CD109: variants seen among roughly 807,000 people sequenced by gnomAD.
The protein encoded by CD109 is CD109 molecule.
A neutral mutation model predicts 165.8 loss-of-function variants in CD109; 149 were observed. That is an observed-to-expected ratio of 0.90 (90% CI 0.79 to 1.03). CD109 has a LOEUF of 1.03. CD109 is among the 50% of genes least tolerant of loss of function. The pLI, the probability that CD109 is intolerant of heterozygous loss-of-function variation, is 0.00. For synonymous variants in CD109, 585 were observed against 592.1 expected (o/e 0.99, Z 0.18); for missense variants, 1,712 against 1,677.8 (o/e 1.02, Z -0.36).
At chr6:73,809,955 A>T in intron 26 of CD109, 29 bp from the exon 27 acceptor site, 1 of 1,551,906 alleles carries the variant, frequency 6.4e-7, no homozygotes, top group Non-Finnish European at 8.7e-7. Context: ...TGGATAATTG[A>T]TCAGAATGTT....
At chr6:73,719,249 A>G (rs992597245) in intron 2 of CD109, among the ~76,000 whole-genome samples, 7 of 152,166 alleles carry the variant, frequency 4.6e-5, no homozygotes, top group African/African-American at 7.2e-5. Context: ...AATCTTGCTC[A>G]TTTCTGAAGT....
rs922043395 is a variant in CD109 at position 73,826,445 on chromosome 6, G to C, written c.*2812G>C. 1 of 152,104 alleles carries C rather than the reference G, an allele frequency of 6.6e-6. No individual in the cohort carries two copies. The highest frequency in any genetic ancestry group is 2.4e-5 in the African/African-American group (1 of 41,392). 9.4% of individuals were successfully genotyped at this position (152,104 alleles called of 1,614,324 possible). On this transcript the variant is annotated 3_prime_UTR_variant, in exon 33 of 33. Transcript: ENST00000287097. Reference sequence around the variant, plus strand: ...GCATATCTTACCTCTCTTTCTGACTGGCCGATGCTTCCAGAGACTGAATGT... The same window carrying C: ...GCATATCTTACCTCTCTTTCTGACTCGCCGATGCTTCCAGAGACTGAATGT...
intron 23 of CD109, among the ~76,000 whole-genome samples, chr6:73,798,678 C>T (rs534413603): frequency 1.3e-5 from 2 of 152,266 alleles, no homozygotes; most frequent in South Asian, 2.1e-4. Context: ...TCTGTGGCCT[C>T]TTCTCTGGGC....
At chr6:73,768,000 G>T in intron 13 of CD109, 55 bp from the exon 14 acceptor site, 1 of 1,386,736 alleles carries the variant, frequency 7.2e-7, no homozygotes, top group Non-Finnish European at 1.0e-6. Context: ...TGTAGCTTCA[G>T]ATGAGATCCT....
At chr6:73,771,895 T>C (rs569109501) in intron 15 of CD109, among the ~76,000 whole-genome samples, 1 of 152,204 alleles carries the variant, frequency 6.6e-6, no homozygotes, top group African/African-American at 2.4e-5. Context: ...TACTTGAAAA[T>C]TGCTAAAAGA....
At chr6:73,785,341 T>C (rs772470965) in intron 19 of CD109, 23 bp from the exon 20 acceptor site, 1 of 1,268,352 alleles carries the variant, frequency 7.9e-7, no homozygotes, top group South Asian at 1.3e-5. Context: ...AATAAAAATA[T>C]GTACTCGTTG....
chr6:73,716,797 T>C (rs1270065228), intron 2 of CD109, among the ~76,000 whole-genome samples: 1 of 152,252 alleles, frequency 6.6e-6, no homozygotes, highest in Non-Finnish European at 1.5e-5. Flanking sequence ...ATCCCATTTG[T>C]CGATTTTTGC....
chr6:73,797,596 A>G (rs1356537383), intron 23 of CD109, among the ~76,000 whole-genome samples: 1 of 152,202 alleles, frequency 6.6e-6, no homozygotes, highest in Non-Finnish European at 1.5e-5. Context: ...GCTTATTACC[A>G]GAGAAAATTC....
intron 26 of CD109, among the ~76,000 whole-genome samples, chr6:73,809,223 G>C (rs1301164690): frequency 1.3e-5 from 2 of 151,930 alleles, no homozygotes; most frequent in African/African-American, 4.8e-5. Flanking sequence ...AGTTAGCTGG[G>C]GATCCTAATT....
In CD109 at chr6:73,768,076, G is replaced by A; in HGVS notation, c.1519G>A (p.Val507Met). Reference protein sequence around the residue: ...SYMVVSRGQLVAVGKQNSTMF... With the variant: ...SYMVVSRGQLMAVGKQNSTMF... ...TCAGGTAGTATCCAGGGGACAGTTG[G>A]TGGCTGTAGGAAAACAAAATTCAAC... Residue 507 changes from valine to methionine, a missense_variant, in exon 14 of 33, where the codon GTG (valine) becomes ATG (methionine). Transcript: ENST00000287097. 1 of 1,613,426 alleles carries A rather than the reference G, an allele frequency of 6.2e-7. No homozygotes were observed. The highest frequency in any genetic ancestry group is 1.1e-5 in the South Asian group (1 of 90,998).
At position 73,747,462 on chromosome 6, in the gene CD109, A is replaced by G. The variant is rs1447951085; in HGVS notation, c.634-9181A>G. 3.9e-5 allele frequency among the ~76,000 whole-genome samples: 6 copies of G among 152,208 alleles called. No homozygotes were observed. In the East Asian group the frequency reaches 9.7e-4, roughly 25 times the overall value. On this transcript the variant is annotated intron_variant, in intron 5 of 32. Coordinates refer to ENST00000287097, the MANE Select transcript of CD109 (RefSeq NM_133493.5). ...TTTCGTCATTTACTCTCTATTACAT[A>G]TTGGCACATTGCAAGTTTGGTTTTA...
At chr6:73,748,648 G>A (rs1305991338) in intron 5 of CD109, among the ~76,000 whole-genome samples, 1 of 152,196 alleles carries the variant, frequency 6.6e-6, no homozygotes, top group South Asian at 2.1e-4. Context: ...CTCAGCCCTG[G>A]TAATTCTGAT....
chr6:73,749,151 C>T (rs1773089076), intron 5 of CD109, among the ~76,000 whole-genome samples: 1 of 152,148 alleles, frequency 6.6e-6, no homozygotes, highest in South Asian at 2.1e-4. Context: ...AAGACACAGA[C>T]CTGGCTTTCA....
chr6:73,816,913 G>T (rs1181272278), intron 30 of CD109, among the ~76,000 whole-genome samples: 1 of 152,154 alleles, frequency 6.6e-6, no homozygotes, highest in Non-Finnish European at 1.5e-5. Flanking sequence ...TTCATGTAAG[G>T]ATGCAGGATT....
intron 22 of CD109, among the ~76,000 whole-genome samples, chr6:73,789,253 G>A (rs184946507): frequency 1.2e-3 from 189 of 152,194 alleles, no homozygotes; most frequent in Middle Eastern, 3.4e-3. Context: ...GACTTCGGTC[G>A]CCTCTCCTAG....
At chr6:73,720,529 G>C (rs1013811173) in intron 2 of CD109, among the ~76,000 whole-genome samples, 1 of 152,106 alleles carries the variant, frequency 6.6e-6, no homozygotes, top group Non-Finnish European at 1.5e-5. Context: ...GTAGTTATGT[G>C]AGGTAAGGCA....
chr6:73,683,700 G>T, the CD109 span, among the ~76,000 whole-genome samples: 1 of 152,192 alleles, frequency 6.6e-6, no homozygotes, highest in Non-Finnish European at 1.5e-5. Flanking sequence ...ACAAAAGAAA[G>T]AGGTTTAATG....
At chr6:73,723,418 C>T in intron 3 of CD109, 139 bp downstream of exon 3, 1 of 692,376 alleles carries the variant, frequency 1.4e-6, no homozygotes, top group Non-Finnish European at 2.5e-6. Context: ...GTTCAGCCTT[C>T]AGATTATTTA....
intron 16 of CD109, 116 bp downstream of exon 16, chr6:73,780,614 C>A: frequency 1.4e-6 from 1 of 690,390 alleles, no homozygotes; most frequent in South Asian, 1.8e-5. Context: ...CACTGAAGCG[C>A]AGTCTTATGT....
Sources: allele counts gnomAD v4.1 joint callset (sites outside exome capture counted in the v4.1 genomes callset), GRCh38; gene constraint gnomAD v4.1.1; transcripts MANE v1.5; gene names NCBI Gene and HGNC (gene_info 2026-07-23, HGNC 2026-07-21).